The following SLC7A8 variants were observed in gnomAD, a reference collection of about 807,000 sequenced individuals.
SLC7A8 encodes large neutral amino acids transporter small subunit 2.
A neutral mutation model predicts 51.2 loss-of-function variants in SLC7A8; 30 were observed. The observed-to-expected ratio is 0.59, with a 90% confidence interval of 0.44 to 0.80. The LOEUF (loss-of-function observed/expected upper bound fraction) is 0.80. SLC7A8 is among the 30% of genes least tolerant of loss of function. The probability of loss-of-function intolerance (pLI) is 0.00; values close to 1 mark genes in which losing one functional copy is unlikely to be tolerated. For synonymous variants in SLC7A8, 257 were observed against 275.8 expected, an observed-to-expected ratio of 0.93 and a Z score of 0.67; for missense variants, 612 against 674.4, an observed-to-expected ratio of 0.91 and a Z score of 1.03.
chr14:23,152,791 G>A (rs1056082790), intron 3 of SLC7A8, among the ~76,000 whole-genome samples: 22 of 152,192 alleles, frequency 1.4e-4, no homozygotes, highest in Non-Finnish European at 2.9e-4. Flanking sequence ...GGGTCATTTT[G>A]TGCCTCCCTC....
At chr14:23,166,609 G>C in intron 1 of SLC7A8, 69 bp from the exon 2 acceptor site, 1 of 1,526,390 alleles carries the variant, frequency 6.6e-7, no homozygotes, top group Non-Finnish European at 9.0e-7. Flanking sequence ...TTGGCATTTG[G>C]AGGGTGGTCT....
At chr14:23,157,588 G>T (rs2048900827) in intron 3 of SLC7A8, among the ~76,000 whole-genome samples, 1 of 152,132 alleles carries the variant, frequency 6.6e-6, no homozygotes, top group African/African-American at 2.4e-5. Context: ...CTATGGTGTG[G>T]CTATACTGAA....
chr14:23,160,944 T>TTC (rs148796933), intron 3 of SLC7A8, among the ~76,000 whole-genome samples: 99,120 of 150,474 alleles, frequency 0.66, 37,621 homozygotes, highest in Non-Finnish European at 0.84. Context: ...GTAAAATACT[T>TTC]TCTCTCTCTC....
chr14:23,154,988 A>C (rs1594833383), intron 3 of SLC7A8, among the ~76,000 whole-genome samples: 1 of 115,794 alleles, frequency 8.6e-6, no homozygotes, highest in African/African-American at 3.3e-5. Context: ...ACAAAAAGCC[A>C]CACAACAGAC....
At chr14:23,149,889 C>T (rs2048831460) in intron 3 of SLC7A8, among the ~76,000 whole-genome samples, 1 of 152,170 alleles carries the variant, frequency 6.6e-6, no homozygotes, top group Admixed American at 6.5e-5. Flanking sequence ...GTGCTCAGTA[C>T]AGTAACATGC....
At chr14:23,163,265 A>T (rs1414045695) in intron 3 of SLC7A8, among the ~76,000 whole-genome samples, 2 of 152,122 alleles carry the variant, frequency 1.3e-5, no homozygotes, top group African/African-American at 4.8e-5. Context: ...TGAGGCAGCT[A>T]GGATTACACT....
At chr14:23,166,041 G>T (rs73600404) in intron 2 of SLC7A8, among the ~76,000 whole-genome samples, 1 of 152,020 alleles carries the variant, frequency 6.6e-6, no homozygotes, top group South Asian at 2.1e-4. Flanking sequence ...GGGAATCTAT[G>T]GTCAGTGTTG....
intron 7 of SLC7A8, among the ~76,000 whole-genome samples, chr14:23,133,270 T>A (rs2048657166): frequency 6.6e-6 from 1 of 151,628 alleles, no homozygotes; most frequent in Non-Finnish European, 1.5e-5. Context: ...GACCCTTGTC[T>A]CTACAAAAAA....
intron 1 of SLC7A8, among the ~76,000 whole-genome samples, chr14:23,172,727 G>C (rs1440280180): frequency 1.3e-5 from 2 of 152,192 alleles, no homozygotes; most frequent in African/African-American, 4.8e-5. Flanking sequence ...ATGAGGGTGG[G>C]AGAGCTACCA....
chr14:23,145,962 G>A (rs2048790125), intron 3 of SLC7A8, among the ~76,000 whole-genome samples: 1 of 152,170 alleles, frequency 6.6e-6, no homozygotes, highest in Admixed American at 6.5e-5. Context: ...TGTTCCAGAC[G>A]GACTGACATC....
At chr14:23,156,954 A>C (rs2048897271) in intron 3 of SLC7A8, among the ~76,000 whole-genome samples, 1 of 152,220 alleles carries the variant, frequency 6.6e-6, no homozygotes, top group East Asian at 1.9e-4. Flanking sequence ...GTTGAAGCAC[A>C]TTGAAACGAA....
At chr14:23,170,379 C>T (rs899346235) in intron 1 of SLC7A8, among the ~76,000 whole-genome samples, 1 of 152,142 alleles carries the variant, frequency 6.6e-6, no homozygotes, top group Non-Finnish European at 1.5e-5. Flanking sequence ...TTGAAAAAGA[C>T]GAACTGGGAA....
rs1192151575 is a variant in SLC7A8 at position 23,162,469 on chromosome 14, C to T, written c.508+2816G>A. Among the ~76,000 whole-genome samples the T allele has an allele frequency of 2.0e-5, 3 of 152,244 alleles. No homozygotes were observed. In the South Asian group the frequency reaches 6.2e-4, roughly 31 times the overall value. ...TGTTAAGTTGGAGATAATTTCCTTG[C>T]AGTTCTGCTGAGAAGGCAGAGGCCA... is the stretch of plus-strand genomic sequence containing the variant. On this transcript the variant is annotated intron_variant, in intron 3 of 10. Coordinates refer to ENST00000316902, the MANE Select transcript of SLC7A8 (RefSeq NM_012244.4).
chr14:23,154,318 T>G, intron 3 of SLC7A8: 1 of 1,000,124 alleles, frequency 1.0e-6, no homozygotes, highest in Non-Finnish European at 1.2e-6. Context: ...TCCCACAGAC[T>G]CCCTCCCCTC....
At chr14:23,161,463 T>C (rs1023566109) in intron 3 of SLC7A8, among the ~76,000 whole-genome samples, 8 of 141,094 alleles carry the variant, frequency 5.7e-5, no homozygotes, top group African/African-American at 1.5e-4. Context: ...GAGTTCCCCA[T>C]GTGCATATGT....
intron 3 of SLC7A8, among the ~76,000 whole-genome samples, chr14:23,161,079 A>G (rs2048919207): frequency 6.6e-6 from 1 of 151,844 alleles, no homozygotes; most frequent in Non-Finnish European, 1.5e-5. Flanking sequence ...GCAGTTGCAT[A>G]AGTGTGATCC....
At chr14:23,155,203 G>A (rs1432826157) in intron 3 of SLC7A8, 1 of 1,536,024 alleles carries the variant, frequency 6.5e-7, no homozygotes, top group South Asian at 1.2e-5. Context: ...CCAAAGGAGA[G>A]GAGGTGCTCT....
At chr14:23,160,875 C>G (rs1271189817) in intron 3 of SLC7A8, among the ~76,000 whole-genome samples, 3 of 152,142 alleles carry the variant, frequency 2.0e-5, no homozygotes, top group Non-Finnish European at 4.4e-5. Context: ...TAACTCCCTC[C>G]ACTCCCACTA....
At position 23,139,465 on chromosome 14, in the gene SLC7A8, T is replaced by G. The variant is rs748962082; in HGVS notation, c.871A>C (p.Met291Leu). The G allele has an allele frequency of 6.2e-7, 1 of 1,613,982 alleles. No individual in the cohort carries two copies. The highest frequency in any genetic ancestry group is 1.3e-5 in the African/African-American group (1 of 74,900). Residue 291 changes from methionine to leucine, a missense_variant, in exon 6 of 11, where the codon ATG (methionine) becomes CTG (leucine). By Grantham distance (15) the Met-to-Leu change is conservative (BLOSUM62 2). Transcript: ENST00000316902. Reference protein sequence around the residue: ...VFANVAYVTAMSPQELLASNA... With the variant: ...VFANVAYVTALSPQELLASNA... ...GATGCCAGCAGCTCCTGGGGGGACA[T>G]TGCAGTGACATAAGCGACATTGGCA...
Sources: allele counts gnomAD v4.1 joint callset (sites outside exome capture counted in the v4.1 genomes callset), GRCh38; gene constraint gnomAD v4.1.1; transcripts MANE v1.5; gene names NCBI Gene and HGNC (gene_info 2026-07-23, HGNC 2026-07-21).